Variants in SEC22A observed in about 807,000 individuals in gnomAD.
SEC22A encodes the protein SEC22 homolog A, vesicle trafficking protein, also known as vesicle-trafficking protein SEC22a.
SEC22A carries 22 observed loss-of-function variants against 35.3 expected under a neutral mutation model. The observed-to-expected ratio is 0.62, with a 90% CI of 0.45 to 0.89. The LOEUF (loss-of-function observed/expected upper bound fraction) is 0.89. SEC22A is among the 40% of genes least tolerant of loss of function. The pLI is 0.00. For synonymous variants in SEC22A, 119 were observed against 129.5 expected, an observed-to-expected ratio of 0.92 and a Z score of 0.55; for missense variants, 354 against 362.5, an observed-to-expected ratio of 0.98 and a Z score of 0.19.
chr3:123,211,839 A>G (rs927002203), intron 2 of SEC22A, among the ~76,000 whole-genome samples: 1 of 152,034 alleles, frequency 6.6e-6, no homozygotes, highest in Non-Finnish European at 1.5e-5. Context: ...AGGCCGAGGC[A>G]GGCAGATCAC....
chr3:123,221,420 G>A (rs556112674), intron 2 of SEC22A, among the ~76,000 whole-genome samples: 179 of 137,102 alleles, frequency 1.3e-3, no homozygotes, highest in African/African-American at 4.8e-3. Flanking sequence ...GCAGTGAGCC[G>A]AGATTGTGCC....
chr3:123,244,543 A>G (rs1314094910), intron 4 of SEC22A, among the ~76,000 whole-genome samples: 1 of 152,204 alleles, frequency 6.6e-6, no homozygotes, highest in Non-Finnish European at 1.5e-5. Context: ...ATATCAAGGA[A>G]ATTGATTGAG....
intron 1 of SEC22A, among the ~76,000 whole-genome samples, chr3:123,204,433 G>A (rs181076491): frequency 6.6e-6 from 1 of 152,302 alleles, no homozygotes; most frequent in East Asian, 1.9e-4. Flanking sequence ...TATCTTAAAA[G>A]TGGCATTTGT....
At chr3:123,232,364 C>T (rs747362414) in intron 4 of SEC22A, among the ~76,000 whole-genome samples, 1 of 152,066 alleles carries the variant, frequency 6.6e-6, no homozygotes, top group Non-Finnish European at 1.5e-5. Context: ...TGGATAAATT[C>T]CTAGAAAAAC....
intron 2 of SEC22A, among the ~76,000 whole-genome samples, chr3:123,218,360 T>C (rs901093066): frequency 1.3e-5 from 2 of 152,132 alleles, no homozygotes; most frequent in Non-Finnish European, 2.9e-5. Flanking sequence ...AGAAATGGAA[T>C]GGAGCTAAAC....
intron 4 of SEC22A, among the ~76,000 whole-genome samples, chr3:123,229,562 A>T (rs2108055573): frequency 6.6e-6 from 1 of 152,380 alleles, no homozygotes; most frequent in Non-Finnish European, 1.5e-5. Flanking sequence ...ACCTTATAAG[A>T]AATAATAAAG....
intron 5 of SEC22A, among the ~76,000 whole-genome samples, chr3:123,256,156 CTCTAA>C (rs952637112): frequency 6.6e-6 from 1 of 152,150 alleles, no homozygotes; most frequent in Admixed American, 6.5e-5. Context: ...TTGTTCCTCT[CTCTAA>C]TCTAGGAGCT....
intron 5 of SEC22A, among the ~76,000 whole-genome samples, chr3:123,258,792 G>T (rs1937804020): frequency 6.6e-6 from 1 of 151,896 alleles, no homozygotes; most frequent in Non-Finnish European, 1.5e-5. Flanking sequence ...AAAATGTAAT[G>T]CTCCTGCCCG....
At chr3:123,250,421 A>T (rs1937602042) in intron 5 of SEC22A, among the ~76,000 whole-genome samples, 1 of 151,268 alleles carries the variant, frequency 6.6e-6, no homozygotes, top group Non-Finnish European at 1.5e-5. Context: ...AAAAAAAAAT[A>T]AAAAAATAAG....
At chr3:123,223,186 G>A (rs1373805157) in intron 2 of SEC22A, among the ~76,000 whole-genome samples, 1 of 152,184 alleles carries the variant, frequency 6.6e-6, no homozygotes, top group Non-Finnish European at 1.5e-5. Flanking sequence ...CCTGTCATCA[G>A]AATCTTGAAA....
intron 5 of SEC22A, among the ~76,000 whole-genome samples, chr3:123,247,262 G>T (rs961378521): frequency 4.6e-5 from 7 of 152,242 alleles, no homozygotes; most frequent in African/African-American, 1.7e-4. Flanking sequence ...AGAAATAACA[G>T]TAGTATAGGG....
intron 1 of SEC22A, among the ~76,000 whole-genome samples, chr3:123,205,586 G>A (rs950548213): frequency 2.0e-5 from 3 of 152,160 alleles, no homozygotes; most frequent in Non-Finnish European, 4.4e-5. Context: ...TACTTGGCAG[G>A]ATGAGGCAGG....
intron 6 of SEC22A, among the ~76,000 whole-genome samples, chr3:123,269,043 G>C (rs897779554): frequency 6.6e-6 from 1 of 152,150 alleles, no homozygotes; most frequent in African/African-American, 2.4e-5. Flanking sequence ...AATGTGATAA[G>C]TTTGATCATT....
At chr3:123,240,277 C>T (rs916921089) in intron 4 of SEC22A, among the ~76,000 whole-genome samples, 1 of 152,174 alleles carries the variant, frequency 6.6e-6, no homozygotes, top group African/African-American at 2.4e-5. Context: ...TCCATCTCCC[C>T]CGAAAAGTTT....
chr3:123,215,166 A>G (rs896341712), intron 2 of SEC22A, among the ~76,000 whole-genome samples: 5 of 152,220 alleles, frequency 3.3e-5, no homozygotes, highest in Admixed American at 2.0e-4. Flanking sequence ...GCTCTTTTCC[A>G]TTGCCAGGGG....
At chr3:123,226,257 T>C (rs1937215946) in intron 4 of SEC22A, among the ~76,000 whole-genome samples, 1 of 152,194 alleles carries the variant, frequency 6.6e-6, no homozygotes, top group Non-Finnish European at 1.5e-5. Context: ...CTTTTTAGTT[T>C]TTGAGGAACC....
In SEC22A at chr3:123,255,760, CT is replaced by C. The variant is rs546730059; in HGVS notation, c.658-3759del. Among the ~76,000 whole-genome samples, 7 of 152,214 alleles carry C rather than the reference CT, an allele frequency of 4.6e-5. No homozygotes were observed. The South Asian group carries it at 1.4e-3, about 32-fold the overall frequency. On this transcript the variant is annotated intron_variant, in intron 5 of 6. Transcript: ENST00000492595. ...TCACATCAGTACACGGAGATCTATTCTTTTTAGTGGCCGCATGACTTTTTAT... is the reference window on the plus strand; with the variant it reads ...TCACATCAGTACACGGAGATCTATTCTTTTAGTGGCCGCATGACTTTTTAT...
chr3:123,264,854 C>T (rs754718828), intron 6 of SEC22A, among the ~76,000 whole-genome samples: 11 of 151,894 alleles, frequency 7.2e-5, no homozygotes, highest in African/African-American at 2.4e-4. Flanking sequence ...ACCATGTTGA[C>T]CAGGCTGGTC....
At chr3:123,208,070 T>C (rs1267071936) in intron 1 of SEC22A, among the ~76,000 whole-genome samples, 1 of 152,212 alleles carries the variant, frequency 6.6e-6, no homozygotes, top group Non-Finnish European at 1.5e-5. Flanking sequence ...GCATCCGTTT[T>C]TCAATCCCTT....
Sources: gnomAD v4.1 joint callset for allele counts (sites outside exome capture counted in the v4.1 genomes callset) on GRCh38, gnomAD v4.1.1 for gene constraint, MANE v1.5 for transcripts, NCBI Gene and HGNC (gene_info 2026-07-23, HGNC 2026-07-21) for gene names.